The following SLIT3 variants were observed in gnomAD, a reference collection of about 807,000 sequenced individuals.
SLIT3 encodes the protein slit guidance ligand 3, also known as slit homolog 3 protein.
Under a neutral mutation model 184.0 loss-of-function variants are expected in SLIT3, and 68 were observed. The observed-to-expected ratio is 0.37, with a 90% CI of 0.30 to 0.45. The LOEUF (loss-of-function observed/expected upper bound fraction) is 0.45, where lower values mean the gene tolerates loss of function less well. SLIT3 is among the 20% of genes least tolerant of loss of function. The probability of loss-of-function intolerance (pLI) is 1.00; values close to 1 mark genes in which losing one functional copy is unlikely to be tolerated. For synonymous variants in SLIT3, 831 were observed against 828.6 expected (o/e 1.00, Z -0.05); for missense variants, 1,707 against 2,026.0 (o/e 0.84, Z 3.02).
chr5:168,913,237 T>C (rs892076727), intron 4 of SLIT3, among the ~76,000 whole-genome samples: 10 of 151,412 alleles, frequency 6.6e-5, no homozygotes, highest in South Asian at 2.1e-4. Context: ...TTATTTCTAA[T>C]GGCAAAAACT....
At chr5:169,216,672 C>T (rs1208023704) in intron 3 of SLIT3, among the ~76,000 whole-genome samples, 3 of 152,148 alleles carry the variant, frequency 2.0e-5, no homozygotes, top group African/African-American at 4.8e-5. Flanking sequence ...TGTAATTCCT[C>T]GATGGTTATC....
intron 4 of SLIT3, among the ~76,000 whole-genome samples, chr5:168,885,938 C>T (rs1443778027): frequency 6.6e-6 from 1 of 152,098 alleles, no homozygotes; most frequent in Non-Finnish European, 1.5e-5. Flanking sequence ...TGGGAGACCT[C>T]CCACACAGGC....
chr5:168,688,366 G>C (rs1386234827), intron 29 of SLIT3, among the ~76,000 whole-genome samples: 1 of 152,150 alleles, frequency 6.6e-6, no homozygotes, highest in Non-Finnish European at 1.5e-5. Context: ...CTCTTAGATT[G>C]TCTAATAAGC....
At chr5:168,930,552 A>G (rs547643717) in intron 4 of SLIT3, among the ~76,000 whole-genome samples, 1 of 152,026 alleles carries the variant, frequency 6.6e-6, no homozygotes, top group Non-Finnish European at 1.5e-5. Flanking sequence ...CTCCTACTGT[A>G]GGTGGGGAGG....
intron 12 of SLIT3, among the ~76,000 whole-genome samples, chr5:168,777,374 G>T (rs114165418): frequency 6.6e-6 from 1 of 152,154 alleles, no homozygotes; most frequent in African/African-American, 2.4e-5. Context: ...TGGTTCTAGC[G>T]CATATTAGGC....
At position 168,836,766 on chromosome 5, in the gene SLIT3, T is replaced by C. The variant is rs75427048; in HGVS notation, c.557+7818A>G. Among the ~76,000 whole-genome samples, 804 of 152,248 alleles carry C rather than the reference T, an allele frequency of 5.3e-3. 3 individuals are homozygous for C. Among genetic ancestry groups the C allele is most frequent in the African/African-American group, 0.019 (775 of 41,534 alleles). ...GGAGGTTCGTTGATTCAAGATCCTTTGCTGATCAAAAACAATTCAATTATC... is the reference window on the plus strand; with the variant it reads ...GGAGGTTCGTTGATTCAAGATCCTTCGCTGATCAAAAACAATTCAATTATC... On this transcript the variant is annotated intron_variant, in intron 6 of 35. Transcript: ENST00000519560.
intron 35 of SLIT3, among the ~76,000 whole-genome samples, chr5:168,668,006 T>A (rs952330849): frequency 6.6e-6 from 1 of 152,198 alleles, no homozygotes; most frequent in Non-Finnish European, 1.5e-5. Flanking sequence ...AATAACATTT[T>A]AAAAATGAGT....
chr5:168,829,855 G>A (rs1250341971), intron 6 of SLIT3, among the ~76,000 whole-genome samples: 1 of 152,182 alleles, frequency 6.6e-6, no homozygotes, highest in African/African-American at 2.4e-5. Context: ...GCAGTGTGCG[G>A]ACCTCAAGGG....
intron 3 of SLIT3, among the ~76,000 whole-genome samples, chr5:169,204,419 C>T (rs936806601): frequency 3.3e-5 from 5 of 152,076 alleles, no homozygotes; most frequent in Admixed American, 6.6e-5. Flanking sequence ...GGAGAGAAAA[C>T]GGGTTGATAG....
At position 169,090,110 on chromosome 5, in the gene SLIT3, T is replaced by C. The variant is rs1423841887; in HGVS notation, c.413+103369A>G. 3.9e-5 allele frequency among the ~76,000 whole-genome samples: 6 copies of C among 152,046 alleles called. No homozygotes were observed. The East Asian group carries it at 5.8e-4, about 15-fold the overall frequency. Reference sequence around the variant, plus strand: ...AACAGCAGGGAGCTGTTCCCACCTGTACGCTAGAGGGATAAAGGGAACGGG... The same window carrying C: ...AACAGCAGGGAGCTGTTCCCACCTGCACGCTAGAGGGATAAAGGGAACGGG... On this transcript the variant is annotated intron_variant, in intron 4 of 35. Transcript: ENST00000519560.
intron 4 of SLIT3, among the ~76,000 whole-genome samples, chr5:169,062,014 C>T (rs1758188549): frequency 6.6e-6 from 1 of 152,012 alleles, no homozygotes. Flanking sequence ...GAAACCCCGT[C>T]TCTACTAAAA....
intron 4 of SLIT3, among the ~76,000 whole-genome samples, chr5:168,888,787 A>G (rs2113802830): frequency 6.6e-6 from 1 of 152,322 alleles, no homozygotes; most frequent in Admixed American, 6.5e-5. Flanking sequence ...GTTTGGAACC[A>G]TTATTGGATT....
chr5:169,120,468 G>A (rs921068829), intron 4 of SLIT3: 1 of 152,174 alleles, frequency 6.6e-6, no homozygotes, highest in African/African-American at 2.4e-5. Flanking sequence ...AAGGAATGTA[G>A]GTGGACTCTA....
chr5:168,772,527 G>GT, intron 14 of SLIT3: 1 of 510,670 alleles, frequency 2.0e-6, no homozygotes. Context: ...TGCTGCCTGG[G>GT]TCCTGTCTCC....
At chr5:169,279,515 C>T (rs191160403) in intron 1 of SLIT3, among the ~76,000 whole-genome samples, 1,664 of 152,230 alleles carry the variant, frequency 0.011, 15 homozygotes, top group Middle Eastern at 0.031. Flanking sequence ...TACATATATT[C>T]CATATTAGGA....
chr5:168,747,696 A>G (rs568599575), intron 20 of SLIT3, among the ~76,000 whole-genome samples: 2 of 152,212 alleles, frequency 1.3e-5, no homozygotes, highest in East Asian at 3.9e-4. Context: ...TTGAGCTGGG[A>G]GTTTCTGGTG....
At chr5:169,044,462 C>G (rs1164943840) in intron 4 of SLIT3, among the ~76,000 whole-genome samples, 3 of 151,798 alleles carry the variant, frequency 2.0e-5, no homozygotes, top group Non-Finnish European at 4.4e-5. Context: ...TGAAAACATG[C>G]TAAATGATAG....
At chr5:168,831,558 A>C (rs534526088) in intron 6 of SLIT3, among the ~76,000 whole-genome samples, 1 of 152,368 alleles carries the variant, frequency 6.6e-6, no homozygotes, top group Admixed American at 6.5e-5. Context: ...TCACTGACGT[A>C]TAGCAGTCGA....
At chr5:169,030,680 A>C (rs577455872) in intron 4 of SLIT3, among the ~76,000 whole-genome samples, 1 of 152,364 alleles carries the variant, frequency 6.6e-6, no homozygotes, top group African/African-American at 2.4e-5. Context: ...CTCAGGCTCA[A>C]ATAATACTGT....
Sources: allele counts gnomAD v4.1 joint callset (sites outside exome capture counted in the v4.1 genomes callset), GRCh38; gene constraint gnomAD v4.1.1; transcripts MANE v1.5; gene names NCBI Gene and HGNC (gene_info 2026-07-23, HGNC 2026-07-21).